The following KHDRBS2 variants were observed in gnomAD, a reference collection of about 807,000 sequenced individuals.
The protein encoded by KHDRBS2 is KH RNA binding domain containing, signal transduction associated 2.
A neutral mutation model predicts 44.3 loss-of-function variants in KHDRBS2; 26 were observed. That is an observed-to-expected ratio of 0.59 (90% confidence interval 0.43 to 0.81). The LOEUF is 0.81. Ranked by LOEUF, KHDRBS2 falls within the 40% of genes least tolerant of loss-of-function variation. The probability of loss-of-function intolerance (pLI) is 0.00; values close to 1 mark genes in which losing one functional copy is unlikely to be tolerated. For synonymous variants in KHDRBS2, 194 were observed against 151.1 expected (o/e 1.28, Z -2.08); for missense variants, 476 against 433.1 (o/e 1.10, Z -0.88).
At chr6:62,089,433 T>G (rs1324728871) in intron 2 of KHDRBS2, among the ~76,000 whole-genome samples, 4 of 152,082 alleles carry the variant, frequency 2.6e-5, no homozygotes, top group African/African-American at 9.7e-5. Flanking sequence ...CTGGGCAGGA[T>G]AGCACCATCC....
chr6:61,846,090 C>T (rs538389857), intron 6 of KHDRBS2, among the ~76,000 whole-genome samples: 3 of 152,174 alleles, frequency 2.0e-5, no homozygotes, highest in East Asian at 3.9e-4. Context: ...GCCTTCCGCC[C>T]TGAGTAAAAG....
At chr6:61,988,451 A>G (rs12211263) in intron 3 of KHDRBS2, among the ~76,000 whole-genome samples, 3,186 of 152,288 alleles carry the variant, frequency 0.021, 41 homozygotes, top group Non-Finnish European at 0.035. Context: ...TTCTTTCTCA[A>G]TTCCAACTGG....
At chr6:62,121,015 G>C (rs1807505874) in intron 2 of KHDRBS2, among the ~76,000 whole-genome samples, 1 of 152,162 alleles carries the variant, frequency 6.6e-6, no homozygotes, top group Non-Finnish European at 1.5e-5. Context: ...AAATGTCACT[G>C]TGGTCCTCCA....
chr6:61,912,802 A>G (rs1806288316), intron 4 of KHDRBS2, among the ~76,000 whole-genome samples: 1 of 152,192 alleles, frequency 6.6e-6, no homozygotes, highest in African/African-American at 2.4e-5. Context: ...TGTATGTTAC[A>G]GAAAGGATTT....
intron 6 of KHDRBS2, among the ~76,000 whole-genome samples, chr6:61,853,797 C>A (rs1257895353): frequency 6.6e-6 from 1 of 152,174 alleles, no homozygotes; most frequent in African/African-American, 2.4e-5. Context: ...CATACATCAG[C>A]TCCTTCTATT....
intron 1 of KHDRBS2, among the ~76,000 whole-genome samples, chr6:62,240,845 T>C (rs73487041): frequency 0.011 from 1,691 of 151,436 alleles, 34 homozygotes; most frequent in African/African-American, 0.039. Flanking sequence ...TAATTCATTT[T>C]ACAACTTCAG....
intron 6 of KHDRBS2, among the ~76,000 whole-genome samples, chr6:61,886,400 T>C (rs1800957866): frequency 6.6e-6 from 1 of 152,150 alleles, no homozygotes; most frequent in Non-Finnish European, 1.5e-5. Context: ...TCTCTGCTTC[T>C]AAATGTTATA....
intron 2 of KHDRBS2, among the ~76,000 whole-genome samples, chr6:62,153,020 G>A (rs1162214822): frequency 6.6e-6 from 1 of 152,226 alleles, no homozygotes; most frequent in African/African-American, 2.4e-5. Context: ...GATTACGTAT[G>A]TGAATGAACA....
At chr6:61,777,219 C>A (rs1782205825) in intron 6 of KHDRBS2, among the ~76,000 whole-genome samples, 1 of 152,084 alleles carries the variant, frequency 6.6e-6, no homozygotes, top group Non-Finnish European at 1.5e-5. Flanking sequence ...AGCACACCAA[C>A]ATGGCACATG....
At chr6:61,863,259 GTTT>G (rs61624926) in intron 6 of KHDRBS2, among the ~76,000 whole-genome samples, 3 of 134,606 alleles carry the variant, frequency 2.2e-5, no homozygotes, top group African/African-American at 5.4e-5. Flanking sequence ...TTTTGAAGGG[GTTT>G]TTTTTTTTTT....
the KHDRBS2 span, chr6:61,574,414 G>GT: frequency 6.6e-7 from 1 of 1,518,046 alleles, no homozygotes; most frequent in Non-Finnish European, 8.8e-7. Flanking sequence ...ACAACAAGAC[G>GT]AGAAGACCAT....
At chr6:62,198,345 T>G (rs1486145749) in intron 1 of KHDRBS2, among the ~76,000 whole-genome samples, 4 of 151,914 alleles carry the variant, frequency 2.6e-5, no homozygotes, top group Non-Finnish European at 5.9e-5. Context: ...CTAGCAAGAC[T>G]AATAAAGAAG....
intron 1 of KHDRBS2, among the ~76,000 whole-genome samples, chr6:62,249,078 C>T (rs1464329402): frequency 1.3e-5 from 2 of 152,080 alleles, no homozygotes; most frequent in Admixed American, 6.6e-5. Context: ...CAACTCAGTG[C>T]TGAAGAATCT....
chr6:61,823,221 A>G (rs975961736), intron 6 of KHDRBS2, among the ~76,000 whole-genome samples: 9 of 152,026 alleles, frequency 5.9e-5, no homozygotes, highest in African/African-American at 9.7e-5. Flanking sequence ...GACATACATA[A>G]CACATTGCTG....
chr6:62,126,146 A>G (rs209004), intron 2 of KHDRBS2, among the ~76,000 whole-genome samples: 25,907 of 152,112 alleles, frequency 0.17, 2,545 homozygotes, highest in African/African-American at 0.27. Context: ...GCCTGGCAGC[A>G]TTTACCACAA....
At chr6:61,848,529 A>ACG (rs1350863488) in intron 6 of KHDRBS2, among the ~76,000 whole-genome samples, 4 of 42,574 alleles carry the variant, frequency 9.4e-5, no homozygotes, top group African/African-American at 2.5e-4. Context: ...GTATATATAT[A>ACG]TACATATATA....
intron 6 of KHDRBS2, among the ~76,000 whole-genome samples, chr6:61,781,498 A>G (rs557943083): frequency 7.2e-4 from 109 of 152,294 alleles, no homozygotes; most frequent in African/African-American, 2.5e-3. Flanking sequence ...AACAAAATAA[A>G]TAAACAAAAA....
At chr6:61,757,790 G>A (rs1356554532) in intron 6 of KHDRBS2, among the ~76,000 whole-genome samples, 1 of 151,824 alleles carries the variant, frequency 6.6e-6, no homozygotes, top group Non-Finnish European at 1.5e-5. Context: ...CTCAGTTTAG[G>A]GCTCATTGTT....
chr6:62,036,850 T>C (rs1785384147), intron 3 of KHDRBS2, among the ~76,000 whole-genome samples: 1 of 152,028 alleles, frequency 6.6e-6, no homozygotes, highest in Admixed American at 6.6e-5. Context: ...ACTAGTATCT[T>C]TAGGTTTTCT....
Sources: gnomAD v4.1 joint callset for allele counts (sites outside exome capture counted in the v4.1 genomes callset) on GRCh38, gnomAD v4.1.1 for gene constraint, MANE v1.5 for transcripts, NCBI Gene and HGNC (gene_info 2026-07-23, HGNC 2026-07-21) for gene names.